The following SLC10A7 variants were observed in gnomAD, a reference collection of about 807,000 sequenced individuals.
SLC10A7 encodes the protein sodium/bile acid cotransporter 7.
In SLC10A7, 29 loss-of-function variants were observed where a neutral mutation model predicts 43.2. The ratio of observed to expected loss-of-function variants is 0.67; its 90% CI spans 0.50 to 0.92. SLC10A7 has a LOEUF of 0.92. SLC10A7 is among the 40% of genes least tolerant of loss of function. SLC10A7 has a pLI of 0.00. For synonymous variants in SLC10A7, 152 were observed against 144.8 expected (o/e 1.05, Z -0.35); for missense variants, 295 against 403.2 (o/e 0.73, Z 2.30).
intron 4 of SLC10A7, among the ~76,000 whole-genome samples, chr4:146,467,562 CTTTTTTTTTTT>C (rs397995707): frequency 1.3e-4 from 12 of 92,832 alleles, no homozygotes; most frequent in Admixed American, 3.0e-4. Flanking sequence ...TTCTTTCTCT[CTTTTTTTTTTT>C]TTTTTTTTTT....
At chr4:146,324,707 G>C (rs1732983275) in intron 6 of SLC10A7, among the ~76,000 whole-genome samples, 1 of 152,106 alleles carries the variant, frequency 6.6e-6, no homozygotes, top group Admixed American at 6.6e-5. Context: ...TAAACTAATG[G>C]ATGATTCCAG....
chr4:146,412,461 G>A (rs1426368768), intron 5 of SLC10A7, among the ~76,000 whole-genome samples: 1 of 152,046 alleles, frequency 6.6e-6, no homozygotes, highest in African/African-American at 2.4e-5. Flanking sequence ...TACTAAGCTT[G>A]TTATTGTTAT....
chr4:146,436,134 A>C (rs1297580308), intron 5 of SLC10A7, among the ~76,000 whole-genome samples: 20 of 152,120 alleles, frequency 1.3e-4, no homozygotes. Flanking sequence ...TCATTCCTAT[A>C]ATTAAATCTG....
intron 6 of SLC10A7, among the ~76,000 whole-genome samples, chr4:146,321,918 T>C (rs1732737074): frequency 6.6e-6 from 1 of 152,208 alleles, no homozygotes; most frequent in Admixed American, 6.5e-5. Flanking sequence ...TTATATGCGA[T>C]GCATATGATG....
chr4:146,327,862 C>T (rs988453747), intron 5 of SLC10A7, among the ~76,000 whole-genome samples: 2 of 152,128 alleles, frequency 1.3e-5, no homozygotes, highest in Admixed American at 6.5e-5. Flanking sequence ...TGAGAATAGG[C>T]CCACTCTGCC....
chr4:146,504,592 T>C (rs1387247134), intron 3 of SLC10A7, among the ~76,000 whole-genome samples: 1 of 152,052 alleles, frequency 6.6e-6, no homozygotes, highest in Non-Finnish European at 1.5e-5. Context: ...TCTTAGGTTA[T>C]TTTTAGGTAA....
intron 5 of SLC10A7, chr4:146,442,548 C>A (rs1045052138): frequency 7.4e-7 from 1 of 1,352,500 alleles, no homozygotes; most frequent in Non-Finnish European, 9.5e-7. Context: ...TTAATTGATT[C>A]CTTGAATTCA....
At chr4:146,298,945 G>A (rs1390133855) in intron 7 of SLC10A7, among the ~76,000 whole-genome samples, 2 of 152,160 alleles carry the variant, frequency 1.3e-5, no homozygotes, top group South Asian at 4.1e-4. Flanking sequence ...ATCAGAGTCA[G>A]TCAATAATGA....
At chr4:146,433,894 T>C (rs1729991794) in intron 5 of SLC10A7, among the ~76,000 whole-genome samples, 1 of 152,072 alleles carries the variant, frequency 6.6e-6, no homozygotes, top group Admixed American at 6.6e-5. Flanking sequence ...TTCCAGGGGA[T>C]AGTTTAGCAA....
In SLC10A7 at chr4:146,319,292, T is replaced by C. The variant is rs575990983; in HGVS notation, c.471+6669A>G. Reference sequence around the variant, plus strand: ...GACACTGGGTATACTCCCAGGACCTTTGCACTTAGTGTTCCTTCCACCTGG... The same window carrying C: ...GACACTGGGTATACTCCCAGGACCTCTGCACTTAGTGTTCCTTCCACCTGG... On this transcript the variant is annotated intron_variant, in intron 6 of 11. Transcript: ENST00000335472. Among the ~76,000 whole-genome samples the C allele has an allele frequency of 3.7e-3, 557 of 152,152 alleles. 2 individuals carry two copies. Among genetic ancestry groups the C allele is most frequent in the African/African-American group, 0.013 (530 of 41,542 alleles).
intron 1 of SLC10A7, among the ~76,000 whole-genome samples, chr4:146,517,628 G>A (rs58898664): frequency 0.01 from 1,540 of 152,160 alleles, 23 homozygotes; most frequent in African/African-American, 0.031. Flanking sequence ...GGCAAGGACC[G>A]TGGCTGTCTT....
chr4:146,279,373 G>A (rs1490972597), intron 10 of SLC10A7, among the ~76,000 whole-genome samples: 2 of 152,134 alleles, frequency 1.3e-5, no homozygotes, highest in Non-Finnish European at 2.9e-5. Flanking sequence ...GTAGTAAAAT[G>A]CCAATTCTAC....
At chr4:146,503,999 T>C in intron 3 of SLC10A7, 75 bp from the exon 4 acceptor site, 1 of 1,254,700 alleles carries the variant, frequency 8.0e-7, no homozygotes, top group Non-Finnish European at 1.1e-6. Context: ...CATTCTAAAA[T>C]AGCAAGGCTG....
intron 9 of SLC10A7, among the ~76,000 whole-genome samples, chr4:146,285,936 G>A (rs1578785207): frequency 6.6e-6 from 1 of 151,998 alleles, no homozygotes; most frequent in East Asian, 1.9e-4. Context: ...TGGTGAGAAG[G>A]ACTGTGTTTT....
chr4:146,312,527 G>C (rs974084687), intron 6 of SLC10A7, among the ~76,000 whole-genome samples: 11 of 152,034 alleles, frequency 7.2e-5, no homozygotes, highest in African/African-American at 2.7e-4. Context: ...TAGGTGTCCA[G>C]AACTTACTGG....
At chr4:146,498,874 C>T (rs1736156095) in intron 4 of SLC10A7, among the ~76,000 whole-genome samples, 1 of 152,052 alleles carries the variant, frequency 6.6e-6, no homozygotes, top group South Asian at 2.1e-4. Context: ...CAAAGTACAA[C>T]CCATGACAAA....
chr4:146,398,877 A>G (rs1401208363), intron 5 of SLC10A7, among the ~76,000 whole-genome samples: 1 of 152,198 alleles, frequency 6.6e-6, no homozygotes, highest in African/African-American at 2.4e-5. Flanking sequence ...TATTCTACAG[A>G]TATTTAGCAC....
intron 6 of SLC10A7, among the ~76,000 whole-genome samples, chr4:146,320,766 G>C (rs913627202): frequency 1.3e-5 from 2 of 151,972 alleles, no homozygotes; most frequent in Non-Finnish European, 2.9e-5. Context: ...TAGTGGCCTG[G>C]GGTTCTATTG....
intron 1 of SLC10A7, among the ~76,000 whole-genome samples, chr4:146,519,029 G>A (rs1364147854): frequency 2.4e-5 from 3 of 127,466 alleles, no homozygotes; most frequent in South Asian, 2.5e-4. Context: ...CCACTTGTTC[G>A]ATATATGGAC....
Sources: gnomAD v4.1 joint callset for allele counts (sites outside exome capture counted in the v4.1 genomes callset) on GRCh38, gnomAD v4.1.1 for gene constraint, MANE v1.5 for transcripts, NCBI Gene and HGNC (gene_info 2026-07-23, HGNC 2026-07-21) for gene names.